Variants in ERO1A observed in about 807,000 individuals in gnomAD.
ERO1A encodes ERO1-like protein alpha.
Under a neutral mutation model 76.9 loss-of-function variants are expected in ERO1A, and 49 were observed. That is an observed-to-expected ratio of 0.64 (90% CI 0.51 to 0.81). The LOEUF (loss-of-function observed/expected upper bound fraction) is 0.81. Ranked by LOEUF, ERO1A falls within the 30% of genes least tolerant of loss-of-function variation. The probability of loss-of-function intolerance (pLI) is 0.00; values close to 1 mark genes in which losing one functional copy is unlikely to be tolerated. For synonymous variants in ERO1A, 174 were observed against 181.2 expected, an observed-to-expected ratio of 0.96 and a Z score of 0.32; for missense variants, 448 against 542.1, an observed-to-expected ratio of 0.83 and a Z score of 1.72.
At chr14:52,654,506 T>C (rs755739184) in intron 11 of ERO1A, among the ~76,000 whole-genome samples, 1 of 152,172 alleles carries the variant, frequency 6.6e-6, no homozygotes, top group African/African-American at 2.4e-5. Context: ...GAACTAGGGA[T>C]GCTTCAGAAG....
intron 8 of ERO1A, 21 bp from the exon 9 acceptor site, chr14:52,661,325 T>C: frequency 7.1e-7 from 1 of 1,404,582 alleles, no homozygotes; most frequent in South Asian, 1.6e-5. Context: ...AAACAAAATG[T>C]TTATTAAAAT....
intron 1 of ERO1A, among the ~76,000 whole-genome samples, chr14:52,685,848 G>C (rs2041159690): frequency 6.6e-6 from 1 of 152,158 alleles, no homozygotes; most frequent in Non-Finnish European, 1.5e-5. Flanking sequence ...TCACAGCAGT[G>C]AATTTATCTA....
Position 52,640,460 on chromosome 14 carries a change from G to A in ERO1A, c.*3110C>T, listed in dbSNP as rs1192395640. 6.6e-6 allele frequency: 1 copy of A among 152,178 alleles called. No individual in the cohort carries two copies. The highest frequency in any genetic ancestry group is 2.4e-5 in the African/African-American group (1 of 41,432). 9.4% of individuals were successfully genotyped at this position (152,178 alleles called of 1,614,324 possible). On this transcript the variant is annotated 3_prime_UTR_variant, in exon 16 of 16. Transcript: ENST00000395686. ...GTAAGTCTGTTTCACCAGAACATTC[G>A]GTGGAGGAAACACATCAGAAGACCT...
At chr14:52,687,398 C>A (rs1197572382) in intron 1 of ERO1A, among the ~76,000 whole-genome samples, 5 of 152,150 alleles carry the variant, frequency 3.3e-5, no homozygotes, top group Admixed American at 3.3e-4. Flanking sequence ...CCACTGCACT[C>A]CAGCCTGGGC....
intron 9 of ERO1A, among the ~76,000 whole-genome samples, chr14:52,659,680 C>T (rs2139671129): frequency 6.6e-6 from 1 of 151,702 alleles, no homozygotes; most frequent in East Asian, 1.9e-4. Flanking sequence ...TTATAAGGAA[C>T]TTATTTCCTT....
chr14:52,645,274 A>C (rs2039609492), intron 15 of ERO1A, among the ~76,000 whole-genome samples: 1 of 151,394 alleles, frequency 6.6e-6, no homozygotes, highest in African/African-American at 2.4e-5. Flanking sequence ...AGTAATTATA[A>C]TTATGATTTT....
intron 3 of ERO1A, among the ~76,000 whole-genome samples, chr14:52,679,821 C>T (rs1027581176): frequency 1.3e-5 from 2 of 152,024 alleles, no homozygotes; most frequent in African/African-American, 2.4e-5. Context: ...GATGCCAAGG[C>T]GGGTGGATCA....
In ERO1A at chr14:52,653,550, T is replaced by C. The variant is rs895244043; in HGVS notation, c.809-235A>G. On this transcript the variant is annotated intron_variant, in intron 11 of 15. Coordinates refer to ENST00000395686, the MANE Select transcript of ERO1A (RefSeq NM_014584.3). ...TGTTTTACTGAGAAAGCAAGTCTTA[T>C]TAATAATAAAAATCATTCTTAATTT... Among the ~76,000 whole-genome samples the C allele has an allele frequency of 2.0e-5, 3 of 151,918 alleles. No individual in the cohort carries two copies. In the South Asian group the frequency reaches 6.2e-4, roughly 31 times the overall value.
At chr14:52,685,471 A>G (rs941927298) in intron 1 of ERO1A, among the ~76,000 whole-genome samples, 1 of 152,202 alleles carries the variant, frequency 6.6e-6, no homozygotes, top group African/African-American at 2.4e-5. Context: ...GATTTTTCAA[A>G]CTTTCTTTTC....
At chr14:52,675,643 CT>C (rs1036619437) in intron 4 of ERO1A, among the ~76,000 whole-genome samples, 2 of 150,932 alleles carry the variant, frequency 1.3e-5, no homozygotes, top group African/African-American at 4.9e-5. Context: ...GCTAAATCCC[CT>C]TTTTTTTTGA....
chr14:52,658,155 A>G lies in ERO1A; in HGVS notation c.689-5T>C. On this transcript the variant is annotated splice_polypyrimidine_tract_variant and splice_region_variant and intron_variant, in intron 9 of 15. Coordinates refer to ENST00000395686, the MANE Select transcript of ERO1A (RefSeq NM_014584.3). ...GCCAACTGTAAAAAGTGTTCTCTGA[A>G]ATCAAAAGAAAAATAAGTCATAAGA... 1 of 1,492,654 alleles carries G rather than the reference A, an allele frequency of 6.7e-7. No homozygotes were observed. Among genetic ancestry groups the G allele is most frequent in the Non-Finnish European group, 9.2e-7 (1 of 1,089,104 alleles). 92.5% of individuals were successfully genotyped at this position (1,492,654 alleles called of 1,614,324 possible). A position where few individuals can be genotyped will look rare whatever the true frequency, so the allele number is the denominator to read the frequency against.
In ERO1A at chr14:52,678,459, T is replaced by A. The variant is rs1212618847; in HGVS notation, c.332A>T (p.Asp111Val). 6.2e-7 allele frequency: 1 copy of A among 1,612,890 alleles called. No homozygotes were observed. Among genetic ancestry groups the A allele is most frequent in the Admixed American group, 1.7e-5 (1 of 59,986 alleles). ...VKPCQSDEVP[D>V]GIKSASYKYS... ...CTTGTAGCTCGCAGATTTAATTCCATCAGGAACTTCATCCTGAAAAAGAAA... is the reference window on the plus strand; with the variant it reads ...CTTGTAGCTCGCAGATTTAATTCCAACAGGAACTTCATCCTGAAAAAGAAA... The change falls in exon 4 of 16, where the codon GAT (aspartate) becomes GTT (valine). Residue 111 changes from aspartate to valine, a missense_variant. Physicochemically the swap from Asp to Val is radical, Grantham distance 152. Transcript: ENST00000395686.
chr14:52,658,507 A>G, intron 9 of ERO1A: 1 of 181,166 alleles, frequency 5.5e-6, no homozygotes, highest in South Asian at 1.6e-4. Context: ...CATGAAAACT[A>G]AGGATTCATT....
intron 6 of ERO1A, among the ~76,000 whole-genome samples, chr14:52,666,729 G>A (rs972086471): frequency 6.6e-6 from 1 of 152,134 alleles, no homozygotes; most frequent in Non-Finnish European, 1.5e-5. Context: ...TCAGGAGTTC[G>A]AATCCAGCCT....
At chr14:52,659,831 T>TA (rs1353347332) in intron 9 of ERO1A, among the ~76,000 whole-genome samples, 1 of 146,456 alleles carries the variant, frequency 6.8e-6, no homozygotes, top group African/African-American at 2.5e-5. Context: ...GTGTGTCCTT[T>TA]TTAAAAAAAA....
At chr14:52,655,609 A>C (rs1401375296) in intron 11 of ERO1A, among the ~76,000 whole-genome samples, 1 of 152,038 alleles carries the variant, frequency 6.6e-6, no homozygotes, top group Non-Finnish European at 1.5e-5. Flanking sequence ...TCTTTTCCAT[A>C]TTGATATTAC....
intron 4 of ERO1A, among the ~76,000 whole-genome samples, chr14:52,675,422 A>G (rs747760204): frequency 6.6e-6 from 1 of 152,106 alleles, no homozygotes; most frequent in Non-Finnish European, 1.5e-5. Flanking sequence ...GGTTACGGGT[A>G]TAAGAATGTT....
At chr14:52,684,616 G>C (rs933534027) in intron 1 of ERO1A, among the ~76,000 whole-genome samples, 3 of 152,050 alleles carry the variant, frequency 2.0e-5, no homozygotes, top group African/African-American at 7.2e-5. Context: ...GTTTGGAATG[G>C]TGCTTAGAAA....
At chr14:52,691,563 G>A (rs907151426) in intron 1 of ERO1A, among the ~76,000 whole-genome samples, 1 of 152,128 alleles carries the variant, frequency 6.6e-6, no homozygotes, top group Non-Finnish European at 1.5e-5. Context: ...TCTCTCCCAC[G>A]GCCCAGCCAC....
Sources: gnomAD v4.1 joint callset for allele counts (sites outside exome capture counted in the v4.1 genomes callset) on GRCh38, gnomAD v4.1.1 for gene constraint, MANE v1.5 for transcripts, NCBI Gene and HGNC (gene_info 2026-07-23, HGNC 2026-07-21) for gene names.